The following ADAM12 variants were observed in gnomAD, a reference collection of about 807,000 sequenced individuals.
The protein encoded by ADAM12 is disintegrin and metalloproteinase domain-containing protein 12.
ADAM12 carries 70 observed loss-of-function variants against 106.4 expected under a neutral mutation model. The ratio of observed to expected loss-of-function variants is 0.66; its 90% CI spans 0.54 to 0.80. The LOEUF is 0.80. ADAM12 is among the 30% of genes least tolerant of loss of function. ADAM12 has a pLI of 0.00. For synonymous variants in ADAM12, 420 were observed against 433.5 expected (o/e 0.97, Z 0.39); for missense variants, 1,010 against 1,171.9 (o/e 0.86, Z 2.02).
intron 1 of ADAM12, among the ~76,000 whole-genome samples, chr10:126,373,833 C>T (rs1384566804): frequency 6.6e-6 from 1 of 152,220 alleles, no homozygotes; most frequent in Non-Finnish European, 1.5e-5. Flanking sequence ...CTAGCCAGAG[C>T]ATCCACCCAC....
intron 6 of ADAM12, among the ~76,000 whole-genome samples, chr10:126,112,083 C>A (rs971305035): frequency 6.6e-6 from 1 of 152,126 alleles, no homozygotes; most frequent in Non-Finnish European, 1.5e-5. Flanking sequence ...GGAATGAGAT[C>A]GTGTCCTTTG....
At position 126,312,811 on chromosome 10, in the gene ADAM12, C is replaced by T. The variant is rs115526774; in HGVS notation, c.186+17601G>A. Among the ~76,000 whole-genome samples, 656 of 152,222 alleles carry T rather than the reference C, an allele frequency of 4.3e-3. 4 individuals carry two copies. The highest frequency in any genetic ancestry group is 0.015 in the African/African-American group (630 of 41,540). On this transcript the variant is annotated intron_variant, in intron 2 of 22. Coordinates refer to ENST00000448723, the MANE Select transcript of ADAM12 (RefSeq NM_001288973.2). ...CCCGGGGACATCAGCACATCTCAGGCGCTGACAAACCAGGAACGATGCCCT... is the reference window on the plus strand; with the variant it reads ...CCCGGGGACATCAGCACATCTCAGGTGCTGACAAACCAGGAACGATGCCCT...
chr10:126,225,538 G>A (rs1236298014), intron 3 of ADAM12, among the ~76,000 whole-genome samples: 1 of 152,166 alleles, frequency 6.6e-6, no homozygotes, highest in African/African-American at 2.4e-5. Context: ...CCGTGAGCCC[G>A]ACTGCATAAC....
chr10:126,283,551 G>A (rs1475431086), intron 2 of ADAM12, among the ~76,000 whole-genome samples: 2 of 152,176 alleles, frequency 1.3e-5, no homozygotes, highest in African/African-American at 4.8e-5. Context: ...TCCCTCCTCA[G>A]TAGCAAGACA....
chr10:126,042,953 C>T (rs944636728), intron 18 of ADAM12, 87 bp downstream of exon 18: 98 of 1,326,766 alleles, frequency 7.4e-5, no homozygotes, highest in Middle Eastern at 2.4e-4. Flanking sequence ...CTTGTTGGCT[C>T]TACCTGCACC....
At chr10:126,197,894 T>C (rs2927504) in intron 3 of ADAM12, among the ~76,000 whole-genome samples, 63,985 of 152,046 alleles carry the variant, frequency 0.42, 18,682 homozygotes, top group African/African-American at 0.8. Context: ...CAGCGGGTGG[T>C]ACGTGGAAGG....
Position 126,108,670 on chromosome 10 carries a change from C to A in ADAM12, c.670-6G>T. ...TCTTTTCCTTGCCTCTGAAACTTAA[C>A]AATTTTAAATGGCAGCATTAATACC... On this transcript the variant is annotated splice_region_variant and splice_polypyrimidine_tract_variant and intron_variant, in intron 7 of 22. Transcript: ENST00000448723. 6.2e-7 allele frequency: 1 copy of A among 1,612,242 alleles called. No homozygotes were observed. The highest frequency in any genetic ancestry group is 8.5e-7 in the Non-Finnish European group (1 of 1,178,238).
chr10:126,323,572 C>A (rs1854188165), intron 2 of ADAM12, among the ~76,000 whole-genome samples: 1 of 152,196 alleles, frequency 6.6e-6, no homozygotes, highest in African/African-American at 2.4e-5. Context: ...AGTCAGTCAA[C>A]AAGCATCCTG....
At chr10:126,355,672 G>A (rs921327699) in intron 1 of ADAM12, among the ~76,000 whole-genome samples, 2 of 152,196 alleles carry the variant, frequency 1.3e-5, no homozygotes, top group Non-Finnish European at 2.9e-5. Flanking sequence ...CAGACATCTA[G>A]CTTCTCTAGC....
At chr10:126,127,695 A>G (rs1406532190) in intron 5 of ADAM12, among the ~76,000 whole-genome samples, 1 of 152,234 alleles carries the variant, frequency 6.6e-6, no homozygotes, top group Non-Finnish European at 1.5e-5. Context: ...GTAAACACAT[A>G]TTTACAAAGC....
intron 8 of ADAM12, among the ~76,000 whole-genome samples, chr10:126,103,251 C>T (rs892695881): frequency 1.3e-5 from 2 of 152,204 alleles, no homozygotes; most frequent in Non-Finnish European, 2.9e-5. Context: ...CCTCCCCTCT[C>T]CAAAATTAGT....
At chr10:126,228,416 A>G (rs1047616112) in intron 3 of ADAM12, among the ~76,000 whole-genome samples, 1 of 152,236 alleles carries the variant, frequency 6.6e-6, no homozygotes, top group East Asian at 1.9e-4. Flanking sequence ...CAGATTTTCA[A>G]AAAGTAACTT....
chr10:126,345,405 G>A (rs1371436274), intron 1 of ADAM12, among the ~76,000 whole-genome samples: 1 of 152,208 alleles, frequency 6.6e-6, no homozygotes, highest in Non-Finnish European at 1.5e-5. Flanking sequence ...ACTTTTTGAT[G>A]TGCTGCTGGA....
At chr10:126,329,194 GTTTA>G in intron 2 of ADAM12, among the ~76,000 whole-genome samples, 1 of 151,442 alleles carries the variant, frequency 6.6e-6, no homozygotes, top group East Asian at 1.9e-4. Context: ...TAAATACATT[GTTTA>G]TTTGAAATCC....
chr10:126,074,119 C>T (rs553330526), intron 11 of ADAM12, among the ~76,000 whole-genome samples: 8 of 152,198 alleles, frequency 5.3e-5, no homozygotes, highest in African/African-American at 7.2e-5. Flanking sequence ...CTCAGTGATA[C>T]GCAACTTAGT....
rs146546680 is a variant in ADAM12 at position 126,179,275 on chromosome 10, C to T, written c.261-23970G>A. 3.8e-4 allele frequency among the ~76,000 whole-genome samples: 58 copies of T among 152,314 alleles called. 1 individual carries two copies. The highest frequency in any genetic ancestry group is 1.3e-3 in the African/African-American group (55 of 41,570). ...GGCACCTCTGTAGTTAGCATTAGAG[C>T]CGCTGCAGGTAACTGTGCTTTCAGT... On this transcript the variant is annotated intron_variant, in intron 3 of 22. Coordinates refer to ENST00000448723, the MANE Select transcript of ADAM12 (RefSeq NM_001288973.2).
intron 5 of ADAM12, among the ~76,000 whole-genome samples, chr10:126,128,550 A>C (rs377324491): frequency 3.3e-5 from 5 of 152,032 alleles, no homozygotes; most frequent in African/African-American, 1.2e-4. Flanking sequence ...TACATGTGGG[A>C]ATGTGTGCAA....
intron 12 of ADAM12, among the ~76,000 whole-genome samples, chr10:126,068,041 A>G (rs1025800754): frequency 6.6e-6 from 1 of 152,208 alleles, no homozygotes; most frequent in Non-Finnish European, 1.5e-5. Flanking sequence ...CAAAGTTATT[A>G]AATTTTAAAT....
At chr10:126,091,984 CTCA>C (rs916105852) in intron 11 of ADAM12, among the ~76,000 whole-genome samples, 2 of 152,074 alleles carry the variant, frequency 1.3e-5, no homozygotes, top group African/African-American at 4.8e-5. Flanking sequence ...GACTGACTCA[CTCA>C]TCTTATTGAT....
Sources: allele counts gnomAD v4.1 joint callset (sites outside exome capture counted in the v4.1 genomes callset), GRCh38; gene constraint gnomAD v4.1.1; transcripts MANE v1.5; gene names NCBI Gene and HGNC (gene_info 2026-07-23, HGNC 2026-07-21).